The following NREP variants were observed in gnomAD, a reference collection of about 807,000 sequenced individuals.
NREP encodes neuronal regeneration related protein, also known as neuronal regeneration-related protein.
Under a neutral mutation model 8.6 loss-of-function variants are expected in NREP, and 5 were observed. That is an observed-to-expected ratio of 0.58 (90% confidence interval 0.30 to 1.22). NREP has a LOEUF of 1.22. Among genes scored for constraint, NREP ranks in the 50% most tolerant of loss-of-function variants. NREP has a pLI of 0.07. For missense variants in NREP, 86 were observed against 82.5 expected (o/e 1.04, Z -0.17); for synonymous variants, 27 against 28.0 (o/e 0.96, Z 0.11).
At chr5:111,817,624 T>C (rs1752413403) in intron 2 of NREP, among the ~76,000 whole-genome samples, 1 of 151,920 alleles carries the variant, frequency 6.6e-6, no homozygotes, top group Non-Finnish European at 1.5e-5. Context: ...GCTAACATGG[T>C]GAAACCTCGT....
At chr5:111,734,901 T>G (rs1748962735) in intron 3 of NREP, 1 of 427,230 alleles carries the variant, frequency 2.3e-6, no homozygotes, top group African/African-American at 2.0e-5. Context: ...AAAATATAAA[T>G]TTTACAAATT....
chr5:111,740,652 C>G (rs972841423), intron 2 of NREP, among the ~76,000 whole-genome samples: 2 of 152,054 alleles, frequency 1.3e-5, no homozygotes, highest in African/African-American at 4.8e-5. Flanking sequence ...GACCAGTCCC[C>G]CAAGGTCCTA....
chr5:111,829,237 T>C (rs1174458167), intron 2 of NREP, among the ~76,000 whole-genome samples: 1 of 152,178 alleles, frequency 6.6e-6, no homozygotes, highest in African/African-American at 2.4e-5. Flanking sequence ...AGTTGAGACT[T>C]TCATTTTGCA....
chr5:111,945,212 G>A (rs1462432506), intron 2 of NREP, among the ~76,000 whole-genome samples: 2 of 152,050 alleles, frequency 1.3e-5, no homozygotes, highest in Non-Finnish European at 2.9e-5. Flanking sequence ...AAATGATAAA[G>A]TCTAATGCTT....
At chr5:111,745,249 G>A (rs1405332029) in intron 2 of NREP, among the ~76,000 whole-genome samples, 2 of 152,166 alleles carry the variant, frequency 1.3e-5, no homozygotes, top group Non-Finnish European at 2.9e-5. Context: ...TTTTACAGAT[G>A]AGAACACTGA....
At chr5:111,779,637 T>C (rs929592094) in intron 2 of NREP, among the ~76,000 whole-genome samples, 52 of 152,186 alleles carry the variant, frequency 3.4e-4, no homozygotes, top group Non-Finnish European at 5.9e-5. Flanking sequence ...GGAATTTGTA[T>C]TATGGCTTGC....
At chr5:111,920,629 G>A (rs560576118) in intron 2 of NREP, among the ~76,000 whole-genome samples, 1 of 152,182 alleles carries the variant, frequency 6.6e-6, no homozygotes, top group African/African-American at 2.4e-5. Context: ...GAAATGTAAG[G>A]GTTTTTATAG....
At chr5:111,973,620 TC>T (rs1756883033) in intron 2 of NREP, among the ~76,000 whole-genome samples, 1 of 152,210 alleles carries the variant, frequency 6.6e-6, no homozygotes, top group Non-Finnish European at 1.5e-5. Flanking sequence ...TATCATAGTC[TC>T]TCCTCTACCT....
In NREP at chr5:111,730,726, T is replaced by C. The variant is rs189206408; in HGVS notation, c.*195A>G. 9 of 613,192 alleles carry C rather than the reference T, an allele frequency of 1.5e-5. No homozygotes were observed. The East Asian group carries it at 2.6e-4, about 18-fold the overall frequency. The allele number at this position is 613,192 out of a possible 1,614,324, so 38.0% of individuals were successfully genotyped here. ...ATTCACAGTGTGAAATTCTGAGCGT[T>C]TTCACTTGAGTCAGAATGATTAAAA... On this transcript the variant is annotated 3_prime_UTR_variant, in exon 4 of 4. Transcript: ENST00000257435.
intron 2 of NREP, among the ~76,000 whole-genome samples, chr5:111,947,516 T>C (rs544242938): frequency 6.6e-6 from 1 of 152,132 alleles, no homozygotes; most frequent in African/African-American, 2.4e-5. Context: ...GAGAGCTTAT[T>C]GGAAGTGCAA....
chr5:111,733,253 A>T (rs939529743), intron 3 of NREP: 3 of 152,206 alleles, frequency 2.0e-5, no homozygotes, highest in East Asian at 3.9e-4. Flanking sequence ...GTCCCTGCCC[A>T]TCTCACCCTT....
chr5:111,954,331 T>G (rs1756250006), intron 2 of NREP, among the ~76,000 whole-genome samples: 1 of 152,110 alleles, frequency 6.6e-6, no homozygotes, highest in South Asian at 2.1e-4. Flanking sequence ...AAAGAGAAAT[T>G]TCTAGGCAAT....
At chr5:111,755,963 A>C in intron 1 of NREP, 133 bp from the exon 2 acceptor site, 1 of 1,450,702 alleles carries the variant, frequency 6.9e-7, no homozygotes, top group Non-Finnish European at 9.1e-7. Flanking sequence ...ATTATTGTTA[A>C]CTACTGGGAT....
At chr5:111,888,147 G>A (rs1349940633) in intron 2 of NREP, among the ~76,000 whole-genome samples, 1 of 152,168 alleles carries the variant, frequency 6.6e-6, no homozygotes, top group African/African-American at 2.4e-5. Flanking sequence ...CATGCTTTTA[G>A]GTTGGAAGTC....
At chr5:111,885,748 C>G (rs1385096822) in intron 2 of NREP, among the ~76,000 whole-genome samples, 1 of 152,174 alleles carries the variant, frequency 6.6e-6, no homozygotes, top group African/African-American at 2.4e-5. Flanking sequence ...ATAAATGGTG[C>G]TGGGAAAACT....
intron 2 of NREP, among the ~76,000 whole-genome samples, chr5:111,741,095 G>C (rs1375704858): frequency 3.3e-5 from 5 of 152,158 alleles, no homozygotes; most frequent in Non-Finnish European, 5.9e-5. Context: ...CTTTATCCCT[G>C]ATGGGGTCCT....
chr5:111,853,086 A>G (rs1753348267), intron 2 of NREP, among the ~76,000 whole-genome samples: 1 of 152,148 alleles, frequency 6.6e-6, no homozygotes, highest in South Asian at 2.1e-4. Context: ...TACTCTTGTT[A>G]GAACTCAGAA....
At chr5:111,939,293 C>A (rs1755765509) in intron 2 of NREP, among the ~76,000 whole-genome samples, 1 of 152,052 alleles carries the variant, frequency 6.6e-6, no homozygotes, top group South Asian at 2.1e-4. Flanking sequence ...AGATTCTGAT[C>A]CTGTCTCCTC....
intron 2 of NREP, among the ~76,000 whole-genome samples, chr5:111,842,961 T>C (rs985025927): frequency 1.3e-5 from 2 of 152,188 alleles, no homozygotes; most frequent in Non-Finnish European, 2.9e-5. Context: ...ACAAGTTGCT[T>C]TTCTCTCGCT....
Sources: allele counts gnomAD v4.1 joint callset (sites outside exome capture counted in the v4.1 genomes callset), GRCh38; gene constraint gnomAD v4.1.1; transcripts MANE v1.5; gene names NCBI Gene and HGNC (gene_info 2026-07-23, HGNC 2026-07-21).